STAU2: variants seen among roughly 807,000 people sequenced by gnomAD.
The protein encoded by STAU2 is staufen double-stranded RNA binding protein 2.
In STAU2, 20 loss-of-function variants were observed where a neutral mutation model predicts 65.9. That is an observed-to-expected ratio of 0.30 (90% CI 0.21 to 0.44). The LOEUF (loss-of-function observed/expected upper bound fraction) is 0.44. STAU2 is among the 20% of genes least tolerant of loss of function. The pLI is 1.00. For missense variants in STAU2, 558 were observed against 683.9 expected (o/e 0.82, Z 2.05); for synonymous variants, 232 against 233.9 (o/e 0.99, Z 0.07).
intron 1 of STAU2, among the ~76,000 whole-genome samples, chr8:73,746,493 T>A (rs1341106478): frequency 7.0e-6 from 1 of 142,616 alleles, no homozygotes; most frequent in Non-Finnish European, 1.5e-5. Flanking sequence ...TCCTCCCGGC[T>A]CCTCCCCTCA....
chr8:73,669,082 G>A (rs764542668), intron 6 of STAU2: 1 of 702,300 alleles, frequency 1.4e-6, no homozygotes, highest in South Asian at 1.5e-5. Context: ...TGGCTCCAGA[G>A]TCCCTGTAAT....
chr8:73,640,446 C>T (rs186107982), intron 6 of STAU2, among the ~76,000 whole-genome samples: 67 of 152,244 alleles, frequency 4.4e-4, no homozygotes, highest in African/African-American at 9.1e-4. Flanking sequence ...GGTCCACAAA[C>T]GTTCTGAAAA....
intron 5 of STAU2, among the ~76,000 whole-genome samples, chr8:73,681,426 T>G (rs962126626): frequency 6.6e-6 from 1 of 152,112 alleles, no homozygotes; most frequent in African/African-American, 2.4e-5. Flanking sequence ...CTGAGAGAAT[T>G]TGCCACTATC....
At chr8:73,467,556 AATTG>A (rs1161898177) in intron 13 of STAU2, among the ~76,000 whole-genome samples, 1 of 152,166 alleles carries the variant, frequency 6.6e-6, no homozygotes, top group African/African-American at 2.4e-5. Context: ...AATTTAAAAA[AATTG>A]ATTAGTTCTT....
intron 6 of STAU2, chr8:73,651,642 G>A: frequency 1.8e-6 from 1 of 566,442 alleles, no homozygotes; most frequent in South Asian, 1.7e-5. Context: ...TGGAACAAGA[G>A]GCCCTGGCCT....
chr8:73,667,583 C>T (rs1451489112), intron 6 of STAU2, among the ~76,000 whole-genome samples: 3 of 152,152 alleles, frequency 2.0e-5, no homozygotes, highest in African/African-American at 7.2e-5. Context: ...CTTTGGTGCC[C>T]CAATCTGGAT....
intron 12 of STAU2, among the ~76,000 whole-genome samples, chr8:73,555,835 C>G (rs1211284360): frequency 2.0e-5 from 3 of 152,140 alleles, no homozygotes; most frequent in African/African-American, 7.2e-5. Context: ...CAAGGGATGA[C>G]TGTATATCAA....
chr8:73,503,867 A>G (rs1271499305), intron 13 of STAU2, among the ~76,000 whole-genome samples: 2 of 152,034 alleles, frequency 1.3e-5, no homozygotes, highest in Non-Finnish European at 2.9e-5. Context: ...TTTCTCTTTG[A>G]CAGTCCCAGG....
At chr8:73,582,180 C>G (rs1178470318) in intron 12 of STAU2, among the ~76,000 whole-genome samples, 1 of 152,046 alleles carries the variant, frequency 6.6e-6, no homozygotes. Flanking sequence ...TTTGACAATA[C>G]TGTAAGTGGA....
At chr8:73,429,264 C>T (rs1261509394) in intron 13 of STAU2, among the ~76,000 whole-genome samples, 1 of 152,108 alleles carries the variant, frequency 6.6e-6, no homozygotes, top group African/African-American at 2.4e-5. Context: ...CCTTTACCTG[C>T]CATGACCTGA....
At chr8:73,596,414 A>G (rs917712805) in intron 10 of STAU2, among the ~76,000 whole-genome samples, 8 of 152,264 alleles carry the variant, frequency 5.3e-5, no homozygotes, top group African/African-American at 1.9e-4. Context: ...CACATCAACC[A>G]TACAACTATA....
intron 13 of STAU2, among the ~76,000 whole-genome samples, chr8:73,481,188 G>A (rs929496163): frequency 6.6e-6 from 1 of 151,972 alleles, no homozygotes; most frequent in Non-Finnish European, 1.5e-5. Flanking sequence ...CTTGCTTTTT[G>A]TATTAATCAT....
chr8:73,559,173 C>T (rs994599185), intron 12 of STAU2, among the ~76,000 whole-genome samples: 1 of 152,210 alleles, frequency 6.6e-6, no homozygotes, highest in Non-Finnish European at 1.5e-5. Flanking sequence ...GACATCACCA[C>T]TGGAAGAAGC....
chr8:73,702,577 A>T lies in STAU2; in HGVS notation c.114+6455T>A, dbSNP rs535351323. Among the ~76,000 whole-genome samples the T allele has an allele frequency of 2.6e-5, 4 of 152,244 alleles. No individual in the cohort carries two copies. The East Asian group carries it at 5.8e-4, about 22-fold the overall frequency. Reference sequence around the variant, plus strand: ...TATGTACCCACAAAAATTAAAAATAATTTTTTAATTAAAAAAGAGACAAAG... The same window carrying T: ...TATGTACCCACAAAAATTAAAAATATTTTTTTAATTAAAAAAGAGACAAAG... On this transcript the variant is annotated intron_variant, in intron 4 of 14. Transcript: ENST00000524300.
At position 73,550,145 on chromosome 8, in the gene STAU2, C is replaced by G. The variant is rs1029239321; in HGVS notation, c.1530+1867G>C. 2.7e-5 allele frequency: 27 copies of G among 985,294 alleles called. No individual in the cohort carries two copies. In the African/African-American group the frequency reaches 4.5e-4, roughly 17 times the overall value. 61.0% of individuals were successfully genotyped at this position (985,294 alleles called of 1,614,324 possible). A position where few individuals can be genotyped will look rare whatever the true frequency, so the allele number is the denominator to read the frequency against. On this transcript the variant is annotated intron_variant, in intron 13 of 14. Transcript: ENST00000524300. ...ATACCAGCTCATTCAACCAAAGAAG[C>G]ACAGTAATATTTTAAAATCACCTGT...
At chr8:73,664,774 T>C (rs943619421) in intron 6 of STAU2, among the ~76,000 whole-genome samples, 1 of 152,174 alleles carries the variant, frequency 6.6e-6, no homozygotes, top group Non-Finnish European at 1.5e-5. Context: ...GCAGATCACT[T>C]GAGGTCTGCA....
At chr8:73,617,626 G>C (rs1476366899) in intron 6 of STAU2, among the ~76,000 whole-genome samples, 175 bp from the exon 7 acceptor site, 1 of 152,106 alleles carries the variant, frequency 6.6e-6, no homozygotes, top group East Asian at 1.9e-4. Flanking sequence ...ATAGATAATA[G>C]CTTATACTGA....
At chr8:73,571,508 C>T (rs1809086422) in intron 12 of STAU2, among the ~76,000 whole-genome samples, 2 of 152,192 alleles carry the variant, frequency 1.3e-5, no homozygotes, top group African/African-American at 2.4e-5. Flanking sequence ...TAAAGCACTC[C>T]TCAGCAAATG....
chr8:73,694,689 A>G (rs1819581449), intron 4 of STAU2, among the ~76,000 whole-genome samples: 1 of 152,212 alleles, frequency 6.6e-6, no homozygotes, highest in Admixed American at 6.5e-5. Flanking sequence ...CATATTGCCA[A>G]AAGAGGCATT....
Sources: gnomAD v4.1 joint callset for allele counts (sites outside exome capture counted in the v4.1 genomes callset) on GRCh38, gnomAD v4.1.1 for gene constraint, MANE v1.5 for transcripts, NCBI Gene and HGNC (gene_info 2026-07-23, HGNC 2026-07-21) for gene names.